Variants in GULP1 observed in about 807,000 individuals in gnomAD.
The protein encoded by GULP1 is GULP PTB domain containing engulfment adaptor 1.
A neutral mutation model predicts 40.9 loss-of-function variants in GULP1; 19 were observed. The observed-to-expected ratio is 0.46, with a 90% CI of 0.32 to 0.68. The LOEUF (loss-of-function observed/expected upper bound fraction) is 0.68. Among genes scored for constraint, GULP1 ranks in the 30% least tolerant of loss-of-function variants. GULP1 has a pLI of 0.03. For missense variants in GULP1, 312 were observed against 362.2 expected (o/e 0.86, Z 1.12); for synonymous variants, 119 against 117.6 (o/e 1.01, Z -0.08).
At chr2:188,450,128 A>G (rs528654648) in intron 2 of GULP1, among the ~76,000 whole-genome samples, 178 of 152,306 alleles carry the variant, frequency 1.2e-3, no homozygotes, top group African/African-American at 4.1e-3. Context: ...TTATGTGATC[A>G]TCACCAACAC....
In GULP1 at chr2:188,563,525, T is replaced by G. The variant is rs927239992; in HGVS notation, c.400-5714T>G. On this transcript the variant is annotated intron_variant, in intron 7 of 11. Transcript: ENST00000409830. The stretch of plus-strand genomic sequence containing the variant: ...ATTAATTTATAAATGTAATTTATAT[T>G]TATATTTTTAAAAAATTATATTTTT... Among the ~76,000 whole-genome samples the G allele has an allele frequency of 2.5e-4, 38 of 149,534 alleles. 1 individual carries two copies. Among genetic ancestry groups the G allele is most frequent in the African/African-American group, 9.0e-4 (37 of 41,226 alleles).
intron 3 of GULP1, among the ~76,000 whole-genome samples, chr2:188,482,676 A>G (rs968649957): frequency 3.3e-5 from 5 of 151,634 alleles, no homozygotes; most frequent in African/African-American, 1.2e-4. Flanking sequence ...CAAAAATTAA[A>G]TTGAAAATAT....
At chr2:188,307,832 T>C (rs113126337) in intron 1 of GULP1, among the ~76,000 whole-genome samples, 126 of 152,356 alleles carry the variant, frequency 8.3e-4, no homozygotes, top group African/African-American at 2.9e-3. Context: ...AGGAGAATCC[T>C]GTGGATCTAA....
intron 7 of GULP1, among the ~76,000 whole-genome samples, chr2:188,545,907 C>A (rs1203944171): frequency 6.6e-6 from 1 of 151,602 alleles, no homozygotes; most frequent in African/African-American, 2.4e-5. Context: ...TTTCATGCAA[C>A]CATTATTCAG....
At chr2:188,472,057 A>AT (rs1338773647) in intron 2 of GULP1, among the ~76,000 whole-genome samples, 1 of 151,856 alleles carries the variant, frequency 6.6e-6, no homozygotes, top group African/African-American at 2.4e-5. Context: ...AGGATAAAAG[A>AT]TTTTTTTCCT....
chr2:188,584,729 T>C (rs563051670), intron 10 of GULP1, among the ~76,000 whole-genome samples: 3 of 152,020 alleles, frequency 2.0e-5, no homozygotes, highest in Non-Finnish European at 4.4e-5. Context: ...TAACTGGTGG[T>C]AATTAAATTG....
intron 2 of GULP1, among the ~76,000 whole-genome samples, chr2:188,385,588 T>C (rs1307597367): frequency 1.3e-5 from 2 of 152,222 alleles, no homozygotes; most frequent in Non-Finnish European, 2.9e-5. Context: ...TTCTTTTCTA[T>C]TGCATTGTCA....
At chr2:188,405,713 T>G (rs955541539) in intron 2 of GULP1, among the ~76,000 whole-genome samples, 3 of 152,210 alleles carry the variant, frequency 2.0e-5, no homozygotes, top group Non-Finnish European at 4.4e-5. Context: ...ATTGATGCAG[T>G]TACCAGGCCA....
intron 2 of GULP1, among the ~76,000 whole-genome samples, chr2:188,400,004 A>C (rs1041825733): frequency 5.3e-5 from 8 of 152,172 alleles, no homozygotes; most frequent in Admixed American, 1.3e-4. Context: ...AATAAGTCTA[A>C]GATAGGAGGC....
At chr2:188,420,764 T>C (rs1407879521) in intron 2 of GULP1, among the ~76,000 whole-genome samples, 3 of 152,066 alleles carry the variant, frequency 2.0e-5, no homozygotes, top group Non-Finnish European at 4.4e-5. Context: ...CACCATTCAT[T>C]TGGTAAAAGG....
intron 1 of GULP1, among the ~76,000 whole-genome samples, chr2:188,323,656 G>A (rs1362556770): frequency 7.6e-5 from 1 of 13,088 alleles, no homozygotes; most frequent in African/African-American, 2.7e-4. Context: ...AGATATGTGT[G>A]TGTGTGTGTG....
intron 1 of GULP1, among the ~76,000 whole-genome samples, chr2:188,299,753 G>T (rs905685985): frequency 6.6e-6 from 1 of 152,170 alleles, no homozygotes; most frequent in Non-Finnish European, 1.5e-5. Context: ...GGGGAAAGCG[G>T]GTATTCACCA....
In GULP1 at chr2:188,594,374, A is replaced by G. The variant is rs890261209; in HGVS notation, c.*363A>G. The G allele has an allele frequency of 6.2e-6, 1 of 160,748 alleles. No homozygotes were observed. The highest frequency in any genetic ancestry group is 6.3e-5 in the Admixed American group (1 of 15,798). 10.0% of individuals were successfully genotyped at this position (160,748 alleles called of 1,614,324 possible). ...GTTTATTAATGATTTCCCAAAAGCCATACCTTAAAGATAACTTTTTAAATT... is the reference window on the plus strand; with the variant it reads ...GTTTATTAATGATTTCCCAAAAGCCGTACCTTAAAGATAACTTTTTAAATT... On this transcript the variant is annotated 3_prime_UTR_variant, in exon 12 of 12. Coordinates refer to ENST00000409830, the MANE Select transcript of GULP1 (RefSeq NM_016315.4).
chr2:188,588,106 C>T, intron 11 of GULP1, 157 bp downstream of exon 11: 2 of 662,770 alleles, frequency 3.0e-6, no homozygotes, highest in Non-Finnish European at 5.5e-6. Flanking sequence ...ACAGTTAGTC[C>T]TAAAAATACT....
chr2:188,468,435 T>G (rs986250360), intron 2 of GULP1, among the ~76,000 whole-genome samples: 5 of 152,160 alleles, frequency 3.3e-5, no homozygotes, highest in African/African-American at 1.2e-4. Flanking sequence ...TGTAAATCAA[T>G]AAAGTGTATA....
chr2:188,315,960 G>A (rs1474310339), intron 1 of GULP1, among the ~76,000 whole-genome samples: 11 of 151,988 alleles, frequency 7.2e-5, no homozygotes, highest in African/African-American at 2.4e-4. Flanking sequence ...GTGAATGAAT[G>A]TAAGAAACAC....
intron 1 of GULP1, among the ~76,000 whole-genome samples, chr2:188,326,425 A>G (rs1574433329): frequency 6.6e-6 from 1 of 152,226 alleles, no homozygotes; most frequent in African/African-American, 2.4e-5. Flanking sequence ...TGCCTTTTAG[A>G]TAGTAATACC....
chr2:188,586,578 A>G (rs1444911292), intron 10 of GULP1, among the ~76,000 whole-genome samples: 1 of 152,188 alleles, frequency 6.6e-6, no homozygotes, highest in Admixed American at 6.5e-5. Context: ...ATAAATTCCC[A>G]TTTGATTAGG....
chr2:188,569,919 A>G (rs1253656728), intron 8 of GULP1, 109 bp from the exon 9 acceptor site: 2 of 553,404 alleles, frequency 3.6e-6, no homozygotes, highest in Non-Finnish European at 3.2e-6. Context: ...CCCACGCACA[A>G]CAAAGTACAT....
Sources: allele counts gnomAD v4.1 joint callset (sites outside exome capture counted in the v4.1 genomes callset), GRCh38; gene constraint gnomAD v4.1.1; transcripts MANE v1.5; gene names NCBI Gene and HGNC (gene_info 2026-07-23, HGNC 2026-07-21).